The following CCDC9 variants were observed in gnomAD, a reference collection of about 807,000 sequenced individuals.
CCDC9 encodes coiled-coil domain containing 9, also known as coiled-coil domain-containing protein 9.
In CCDC9, 52 loss-of-function variants were observed where a neutral mutation model predicts 65.6. That is an observed-to-expected ratio of 0.79 (90% confidence interval 0.63 to 1.00). CCDC9 has a LOEUF of 1.00. Ranked by LOEUF, CCDC9 falls within the 50% of genes least tolerant of loss-of-function variation. The probability of loss-of-function intolerance (pLI) is 0.00; values close to 1 mark genes in which losing one functional copy is unlikely to be tolerated. For synonymous variants in CCDC9, 332 were observed against 280.3 expected (o/e 1.18, Z -1.84); for missense variants, 834 against 757.2 (o/e 1.10, Z -1.19).
At position 47,270,445 on chromosome 19, in the gene CCDC9, A is replaced by C; in HGVS notation, c.941A>C (p.His314Pro). 6.2e-7 allele frequency: 1 copy of C among 1,613,600 alleles called. No individual in the cohort carries two copies. The highest frequency in any genetic ancestry group is 8.5e-7 in the Non-Finnish European group (1 of 1,179,868). Reference protein sequence around the residue: ...DGPVPAHEPSHRYDDQAWARP... With the variant: ...DGPVPAHEPSPRYDDQAWARP... The stretch of plus-strand genomic sequence containing the variant: ...CCAGTCCCTGCCCATGAACCATCCC[A>C]CCGCTATGGTGAGTGGGTGCCCTTG... The change falls in exon 9 of 12, where the codon CAC becomes CCC. Residue 314 changes from histidine to proline, a missense_variant. By Grantham distance (77) the His-to-Pro change is moderately conservative (BLOSUM62 -2). Coordinates refer to ENST00000221922, the MANE Select transcript of CCDC9 (RefSeq NM_015603.3).
chr19:47,267,818 G>A (rs2059092398), intron 8 of CCDC9, among the ~76,000 whole-genome samples: 1 of 152,002 alleles, frequency 6.6e-6, no homozygotes, highest in South Asian at 2.1e-4. Context: ...TCAGATCCCT[G>A]AATGTCTCCA....
At chr19:47,274,033 G>A, downstream of CCDC9, 1 of 949,832 alleles carries the variant, frequency 1.1e-6, no homozygotes, top group Non-Finnish European at 1.3e-6. Context: ...TGGGGAGGGG[G>A]CGTGAGGAGG....
At chr19:47,272,376 G>T (rs2059129649), downstream of CCDC9, among the ~76,000 whole-genome samples, 2 of 152,250 alleles carry the variant, frequency 1.3e-5, no homozygotes, top group Admixed American at 6.5e-5. Flanking sequence ...AAGCCAATAG[G>T]AATTTGGTAT....
chr19:47,272,166 G>C, downstream of CCDC9: 1 of 1,234,440 alleles, frequency 8.1e-7, no homozygotes. Context: ...CTCCAGGTGG[G>C]GGAGTGCATG....
At chr19:47,261,804 T>A (rs74907421) in intron 5 of CCDC9, among the ~76,000 whole-genome samples, 49,833 of 150,084 alleles carry the variant, frequency 0.33, 8,560 homozygotes, top group East Asian at 0.59. Flanking sequence ...GCGGATCACC[T>A]GAAGTCAGGA....
intron 8 of CCDC9, among the ~76,000 whole-genome samples, chr19:47,269,262 A>C (rs188025983): frequency 3.6e-4 from 55 of 152,290 alleles, no homozygotes; most frequent in African/African-American, 1.3e-3. Flanking sequence ...TAAGAGGTCT[A>C]ATGTTAGGCC....
At position 47,259,599 on chromosome 19, in the gene CCDC9, G is replaced by A. The variant is rs904082048; in HGVS notation, c.109-722G>A. ...GGTGATGTGGCTCTCCCTGAGATGGGATCTGGGAGGTGGCATGGGTTTCAT... is the reference window on the plus strand; with the variant it reads ...GGTGATGTGGCTCTCCCTGAGATGGAATCTGGGAGGTGGCATGGGTTTCAT... On this transcript the variant is annotated intron_variant, in intron 3 of 11. Coordinates refer to ENST00000221922, the MANE Select transcript of CCDC9 (RefSeq NM_015603.3). 4.6e-5 allele frequency among the ~76,000 whole-genome samples: 7 copies of A among 152,278 alleles called. No individual in the cohort carries two copies. In the South Asian group the frequency reaches 1.5e-3, roughly 32 times the overall value.
chr19:47,267,741 T>G (rs570606525), intron 8 of CCDC9, among the ~76,000 whole-genome samples: 2 of 152,248 alleles, frequency 1.3e-5, no homozygotes, highest in East Asian at 3.9e-4. Flanking sequence ...AGGGAGGGCA[T>G]GAAGGCTGTT....
At chr19:47,275,339 A>G (rs1600299111), downstream of CCDC9, 1 of 1,542,958 alleles carries the variant, frequency 6.5e-7, no homozygotes, top group Non-Finnish European at 8.7e-7. Flanking sequence ...AGGGGCGAAG[A>G]CCCGGGTAAC....
At chr19:47,259,685 C>T (rs1490809263) in intron 3 of CCDC9, among the ~76,000 whole-genome samples, 1 of 152,212 alleles carries the variant, frequency 6.6e-6, no homozygotes, top group African/African-American at 2.4e-5. Context: ...CCCTTGTGGG[C>T]CAGGCAGCGT....
chr19:47,266,321 T>A (rs1458369649), intron 7 of CCDC9: 3 of 368,084 alleles, frequency 8.2e-6, no homozygotes, highest in Non-Finnish European at 9.7e-6. Context: ...GCAGAGCCCC[T>A]GCCTTGATGA....
At chr19:47,266,077 G>A (rs978638765) in intron 7 of CCDC9, among the ~76,000 whole-genome samples, 2 of 135,530 alleles carry the variant, frequency 1.5e-5, no homozygotes, top group Non-Finnish European at 3.0e-5. Flanking sequence ...CTCACTGCAA[G>A]CTCTGCCTCC....
downstream of CCDC9, chr19:47,274,782 T>G (rs1265275054): frequency 3.7e-5 from 14 of 381,522 alleles, no homozygotes; most frequent in Non-Finnish European, 4.5e-5. Flanking sequence ...GCAGCTCGCG[T>G]GGGGGCGTGA....
downstream of CCDC9, among the ~76,000 whole-genome samples, chr19:47,274,289 C>T (rs1356541487): frequency 6.6e-6 from 1 of 150,658 alleles, no homozygotes; most frequent in Admixed American, 6.6e-5. Context: ...GGGCCGGAAT[C>T]CTGACAGGCG....
chr19:47,268,984 C>T (rs1202736775), intron 8 of CCDC9, among the ~76,000 whole-genome samples: 2 of 151,648 alleles, frequency 1.3e-5, no homozygotes, highest in African/African-American at 4.8e-5. Context: ...TGCTTGTAAT[C>T]CCCACAATCC....
chr19:47,275,248 C>G (rs751695042), downstream of CCDC9: 13 of 1,539,056 alleles, frequency 8.4e-6, no homozygotes, highest in South Asian at 1.2e-5. Flanking sequence ...CTCCAGCTGC[C>G]GCTGAGCCGC....
intron 7 of CCDC9, 23 bp from the exon 8 acceptor site, chr19:47,266,588 A>G: frequency 6.7e-7 from 1 of 1,499,064 alleles, no homozygotes; most frequent in Non-Finnish European, 9.0e-7. Flanking sequence ...CATCACCCTG[A>G]CTCCCTGTGG....
intron 5 of CCDC9, among the ~76,000 whole-genome samples, chr19:47,262,007 G>A (rs962713544): frequency 3.4e-4 from 49 of 143,838 alleles, no homozygotes; most frequent in African/African-American, 1.2e-3. Context: ...GACAACAAGA[G>A]TGAAACTCCG....
chr19:47,266,839 G>T (rs1358932078), intron 8 of CCDC9, 47 bp downstream of exon 8: 2 of 1,561,250 alleles, frequency 1.3e-6, no homozygotes, highest in East Asian at 2.4e-5. Context: ...GTTGACCTTG[G>T]CCCTGACTTC....
Sources: gnomAD v4.1 joint callset for allele counts (sites outside exome capture counted in the v4.1 genomes callset) on GRCh38, gnomAD v4.1.1 for gene constraint, MANE v1.5 for transcripts, NCBI Gene and HGNC (gene_info 2026-07-23, HGNC 2026-07-21) for gene names.